Variants in GSE1 observed in about 807,000 individuals in gnomAD.
The protein encoded by GSE1 is Gse1 coiled-coil protein.
A neutral mutation model predicts 112.6 loss-of-function variants in GSE1; 32 were observed. The ratio of observed to expected loss-of-function variants is 0.28; its 90% confidence interval spans 0.21 to 0.38. GSE1 has a LOEUF of 0.38. Among genes scored for constraint, GSE1 ranks in the 10% least tolerant of loss-of-function variants. The probability of loss-of-function intolerance (pLI) is 1.00; values close to 1 mark genes in which losing one functional copy is unlikely to be tolerated. For synonymous variants in GSE1, 1,115 were observed against 735.6 expected (o/e 1.52, Z -8.35); for missense variants, 2,348 against 1,699.2 (o/e 1.38, Z -6.71).
At chr16:85,493,523 GC>G (rs1269264505) in intron 2 of GSE1, among the ~76,000 whole-genome samples, 1 of 152,076 alleles carries the variant, frequency 6.6e-6, no homozygotes, top group Non-Finnish European at 1.5e-5. Context: ...GGAGGCCGAG[GC>G]AGGCGGATCT....
chr16:85,646,978 T>C (rs543696090), intron 2 of GSE1, among the ~76,000 whole-genome samples: 1 of 152,164 alleles, frequency 6.6e-6, no homozygotes, highest in Non-Finnish European at 1.5e-5. Flanking sequence ...GGACACCCCC[T>C]ACCCCTGCCA....
chr16:85,363,085 C>T (rs1489620701), intron 2 of GSE1, among the ~76,000 whole-genome samples: 2 of 152,168 alleles, frequency 1.3e-5, no homozygotes, highest in Non-Finnish European at 2.9e-5. Flanking sequence ...AATCCACCTG[C>T]CTTGGCCTCC....
intron 1 of GSE1, among the ~76,000 whole-genome samples, chr16:85,340,406 G>A (rs926056283): frequency 5.9e-5 from 9 of 152,118 alleles, no homozygotes; most frequent in Admixed American, 2.6e-4. Context: ...TTGGGAGACC[G>A]AGGCAGGAGG....
intron 1 of GSE1, among the ~76,000 whole-genome samples, chr16:85,562,181 G>C (rs1465426339): frequency 6.6e-6 from 1 of 150,806 alleles, no homozygotes; most frequent in Non-Finnish European, 1.5e-5. Flanking sequence ...CAGAAACTCA[G>C]CGGGGACAGG....
intron 2 of GSE1, among the ~76,000 whole-genome samples, chr16:85,539,193 C>T (rs918760803): frequency 1.3e-5 from 2 of 152,192 alleles, no homozygotes; most frequent in African/African-American, 2.4e-5. Flanking sequence ...TGGACAGAGC[C>T]GTTTGAACAA....
chr16:85,183,115 ACCCTCACC>A (rs1314889971), intron 1 of GSE1, among the ~76,000 whole-genome samples: 1 of 152,002 alleles, frequency 6.6e-6, no homozygotes, highest in African/African-American at 2.4e-5. Context: ...GCACACCTGT[ACCCTCACC>A]CCCTCACCGC....
chr16:85,171,043 G>T, exon 1 of GSE1: 1 of 985,782 alleles, frequency 1.0e-6, no homozygotes, highest in South Asian at 4.7e-5. Flanking sequence ...CGCCAGGAGC[G>T]CCATGCATTT....
intron 2 of GSE1, among the ~76,000 whole-genome samples, chr16:85,437,506 C>G (rs1427007419): frequency 6.6e-6 from 1 of 151,982 alleles, no homozygotes; most frequent in Admixed American, 6.6e-5. Context: ...CACACCCACC[C>G]TGGGGGAGGA....
chr16:85,171,886 C>A, intron 1 of GSE1: 1 of 808,196 alleles, frequency 1.2e-6, no homozygotes, highest in Non-Finnish European at 1.5e-6. Context: ...TTCTGTTCCT[C>A]AGAAAAACTC....
intron 2 of GSE1, among the ~76,000 whole-genome samples, chr16:85,548,880 C>T (rs1386619483): frequency 6.6e-6 from 1 of 152,182 alleles, no homozygotes; most frequent in African/African-American, 2.4e-5. Flanking sequence ...ACCTCCGCCT[C>T]CTGGGTTCAA....
At chr16:85,350,630 G>GA (rs2046833792) in intron 1 of GSE1, among the ~76,000 whole-genome samples, 1 of 152,132 alleles carries the variant, frequency 6.6e-6, no homozygotes, top group Non-Finnish European at 1.5e-5. Context: ...AGGTCACCGT[G>GA]ATGCTTTGAT....
intron 2 of GSE1, among the ~76,000 whole-genome samples, chr16:85,466,608 ACGG>A (rs2050128361): frequency 6.6e-6 from 1 of 152,020 alleles, no homozygotes; most frequent in Non-Finnish European, 1.5e-5. Flanking sequence ...GGTGGCAATG[ACGG>A]TGGTATCATT....
rs1433445562 is a variant in GSE1, at chr16:85,495,434, TTTA to T, written c.2464+137794_2464+137796del. Among the ~76,000 whole-genome samples, 16 of 5,170 alleles carry T rather than the reference TTTA, an allele frequency of 3.1e-3. No homozygotes were observed. The South Asian group carries it at 0.05, about 16-fold the overall frequency. 3.4% of individuals were successfully genotyped at this position (5,170 alleles called of 152,430 possible). On this transcript the variant is annotated intron_variant, in intron 2 of 2. Coordinates refer to the GSE1 transcript ENST00000637419. The stretch of plus-strand genomic sequence containing the variant: ...ATGAGAACATGCTGGGAACATTTTA[TTTA>T]TTTATTTATTTATTTATTTATTTAT...
intron 2 of GSE1, among the ~76,000 whole-genome samples, chr16:85,510,248 CA>C (rs968532177): frequency 1.3e-5 from 2 of 152,214 alleles, no homozygotes; most frequent in African/African-American, 4.8e-5. Context: ...ATTTTATTCC[CA>C]GAAGCAAAGT....
upstream of GSE1, among the ~76,000 whole-genome samples, chr16:85,612,523 T>TCCGTGGGTTCTCCAGCCCCTGGG (rs2048059616): frequency 6.6e-6 from 1 of 151,852 alleles, no homozygotes; most frequent in Non-Finnish European, 1.5e-5. Flanking sequence ...AAGCGGCGCC[T>TCCGTGGGTTCTCCAGCCCCTGGG]CCGTGGGTTC....
chr16:85,256,541 C>T (rs553058825), intron 1 of GSE1, among the ~76,000 whole-genome samples: 6 of 152,362 alleles, frequency 3.9e-5, no homozygotes, highest in Admixed American at 2.6e-4. Flanking sequence ...CGTTCCTTGG[C>T]GAAGCTCCCA....
At chr16:85,284,726 A>G (rs1017699081) in intron 1 of GSE1, among the ~76,000 whole-genome samples, 2 of 152,142 alleles carry the variant, frequency 1.3e-5, no homozygotes, top group Admixed American at 1.3e-4. Flanking sequence ...ATGGTGGCTC[A>G]TGGAATACTA....
chr16:85,539,811 T>A (rs1473089411), intron 2 of GSE1, among the ~76,000 whole-genome samples: 1 of 152,202 alleles, frequency 6.6e-6, no homozygotes, highest in Admixed American at 6.5e-5. Flanking sequence ...AAGGCCTTAG[T>A]CCAGTGTGTT....
intron 1 of GSE1, among the ~76,000 whole-genome samples, chr16:85,177,382 C>G (rs181947143): frequency 1.2e-3 from 180 of 152,356 alleles, no homozygotes; most frequent in African/African-American, 4.2e-3. Context: ...GGTCCCCCTT[C>G]TAGTGGGGAC....
Sources: gnomAD v4.1 joint callset for allele counts (sites outside exome capture counted in the v4.1 genomes callset) on GRCh38, gnomAD v4.1.1 for gene constraint, MANE v1.5 for transcripts, NCBI Gene and HGNC (gene_info 2026-07-23, HGNC 2026-07-21) for gene names.